SLIT1: variants seen among roughly 807,000 people sequenced by gnomAD.
SLIT1 encodes the protein slit homolog 1 protein.
Under a neutral mutation model 186.1 loss-of-function variants are expected in SLIT1, and 66 were observed. The ratio of observed to expected loss-of-function variants is 0.35; its 90% CI spans 0.29 to 0.44. SLIT1 has a LOEUF of 0.44. Among genes scored for constraint, SLIT1 ranks in the 20% least tolerant of loss-of-function variants. The pLI is 1.00. For synonymous variants in SLIT1, 761 were observed against 833.8 expected (o/e 0.91, Z 1.50); for missense variants, 1,638 against 2,037.4 (o/e 0.80, Z 3.77).
Position 97,013,847 on chromosome 10 carries a change from C to A in SLIT1, c.3110-13G>T, listed in dbSNP as rs367664749. On this transcript the variant is annotated splice_polypyrimidine_tract_variant and intron_variant, in intron 29 of 36. Transcript: ENST00000266058. Reference sequence around the variant, plus strand: ...TCACAGGCCTTTCCTGGGGAAAGAACGAGCAAGGGGCAGGAGAGAAGCTGC... The same window carrying A: ...TCACAGGCCTTTCCTGGGGAAAGAAAGAGCAAGGGGCAGGAGAGAAGCTGC... 3.2e-6 allele frequency: 5 copies of A among 1,550,470 alleles called. No homozygotes were observed. The African/African-American group carries it at 5.5e-5, about 17-fold the overall frequency.
chr10:97,094,283 C>T (rs1564673963), intron 4 of SLIT1, among the ~76,000 whole-genome samples: 1 of 152,224 alleles, frequency 6.6e-6, no homozygotes, highest in African/African-American at 2.4e-5. Flanking sequence ...AAAAGGCATC[C>T]CTTCTTCAAG....
intron 22 of SLIT1, among the ~76,000 whole-genome samples, chr10:97,036,898 C>A (rs965739519): frequency 3.9e-5 from 6 of 152,156 alleles, no homozygotes; most frequent in Non-Finnish European, 8.8e-5. Context: ...AAAGCAGAGG[C>A]GTAGCCTGAA....
chr10:97,048,401 A>C (rs543754370), intron 14 of SLIT1, among the ~76,000 whole-genome samples: 1 of 152,196 alleles, frequency 6.6e-6, no homozygotes, highest in Non-Finnish European at 1.5e-5. Context: ...CTGCATCCCA[A>C]AGCCTGGAGG....
chr10:97,156,949 C>T (rs1200239366), intron 4 of SLIT1, among the ~76,000 whole-genome samples: 2 of 152,228 alleles, frequency 1.3e-5, no homozygotes, highest in Non-Finnish European at 2.9e-5. Flanking sequence ...AACTAAAAAA[C>T]ATCCCAACTC....
intron 4 of SLIT1, among the ~76,000 whole-genome samples, chr10:97,076,981 C>G (rs534077113): frequency 3.3e-5 from 5 of 152,110 alleles, no homozygotes; most frequent in Non-Finnish European, 7.4e-5. Flanking sequence ...AAATACAGGA[C>G]GGAACCGGGG....
At chr10:97,024,610 T>C (rs540628392) in intron 25 of SLIT1, among the ~76,000 whole-genome samples, 1 of 152,342 alleles carries the variant, frequency 6.6e-6, no homozygotes, top group South Asian at 2.1e-4. Flanking sequence ...CTTTTTAAGA[T>C]AACAGGAATT....
At chr10:97,052,864 C>T (rs1388833704) in intron 13 of SLIT1, among the ~76,000 whole-genome samples, 2 of 152,124 alleles carry the variant, frequency 1.3e-5, no homozygotes, top group Non-Finnish European at 2.9e-5. Context: ...ATTTCTATTT[C>T]TTTTATTCTT....
intron 4 of SLIT1, among the ~76,000 whole-genome samples, chr10:97,083,263 T>C (rs1425335713): frequency 6.6e-6 from 1 of 152,202 alleles, no homozygotes; most frequent in Non-Finnish European, 1.5e-5. Context: ...AGTACTCTGA[T>C]CATGCCTATT....
chr10:97,137,969 A>C (rs1156803731), intron 4 of SLIT1, among the ~76,000 whole-genome samples: 1 of 152,248 alleles, frequency 6.6e-6, no homozygotes, highest in Non-Finnish European at 1.5e-5. Context: ...CGAGCCGGTG[A>C]GTAGCAGAGC....
chr10:97,063,949 T>C (rs964673224), intron 7 of SLIT1, among the ~76,000 whole-genome samples: 2 of 151,980 alleles, frequency 1.3e-5, no homozygotes, highest in African/African-American at 4.8e-5. Context: ...TCATTTGTTT[T>C]CCAAGGAAAA....
At chr10:97,107,870 TC>T (rs1488746069) in intron 4 of SLIT1, among the ~76,000 whole-genome samples, 1 of 151,802 alleles carries the variant, frequency 6.6e-6, no homozygotes, top group Non-Finnish European at 1.5e-5. Flanking sequence ...CCAACCACAC[TC>T]GAGGCCCATG....
chr10:97,073,029 A>C (rs1705807444), intron 4 of SLIT1, among the ~76,000 whole-genome samples: 1 of 152,198 alleles, frequency 6.6e-6, no homozygotes, highest in African/African-American at 2.4e-5. Context: ...AAGCTTTCCC[A>C]CGAGGGGGCG....
chr10:97,092,778 T>G (rs896536106), intron 4 of SLIT1, among the ~76,000 whole-genome samples: 1 of 152,212 alleles, frequency 6.6e-6, no homozygotes, highest in Non-Finnish European at 1.5e-5. Context: ...ATAAAATCCA[T>G]GCCAAGGGCA....
In SLIT1 at chr10:97,014,030, A is replaced by G. The variant is rs1432945151; in HGVS notation, c.3098T>C (p.Leu1033Pro). The G allele has an allele frequency of 6.2e-7, 1 of 1,613,592 alleles. No homozygotes were observed. The highest frequency in any genetic ancestry group is 1.3e-5 in the African/African-American group (1 of 74,914). The change falls in exon 29 of 37, where the codon CTG becomes CCG. Residue 1033 changes from leucine to proline, a missense_variant. Leu to Pro is a moderately conservative substitution (Grantham distance 98). Transcript: ENST00000266058. ...GVGNYTCQCP[L>P]QYEGKACEQL... is the part of the protein sequence containing the mutation. The stretch of plus-strand genomic sequence containing the variant: ...CCTGACGCACTTACCCTCATACTGC[A>G]GGGGGCACTGGCAGGTGTAGTTGCC...
intron 4 of SLIT1, among the ~76,000 whole-genome samples, chr10:97,121,922 A>T (rs945833136): frequency 6.6e-6 from 1 of 152,228 alleles, no homozygotes; most frequent in African/African-American, 2.4e-5. Flanking sequence ...ATATTCCTGG[A>T]TTATCTCATT....
chr10:97,125,840 A>C (rs916419640), intron 4 of SLIT1, among the ~76,000 whole-genome samples: 1 of 151,374 alleles, frequency 6.6e-6, no homozygotes, highest in Non-Finnish European at 1.5e-5. Context: ...CTGTCTCAAA[A>C]CAAAAACAAA....
chr10:97,157,263 C>T (rs1242646422), intron 4 of SLIT1: 1 of 152,258 alleles, frequency 6.6e-6, no homozygotes, highest in African/African-American at 2.4e-5. Context: ...AAATTACAGA[C>T]ACATGTGGCA....
At chr10:97,126,647 T>A (rs531034129) in intron 4 of SLIT1, among the ~76,000 whole-genome samples, 1 of 152,288 alleles carries the variant, frequency 6.6e-6, no homozygotes, top group South Asian at 2.1e-4. Flanking sequence ...AAGCTCCACC[T>A]TACAGCTGGG....
intron 31 of SLIT1, among the ~76,000 whole-genome samples, chr10:97,007,918 A>G (rs2134589401): frequency 7.0e-6 from 1 of 143,348 alleles, no homozygotes; most frequent in African/African-American, 2.5e-5. Flanking sequence ...TCTATTCAAT[A>G]TTTTACTGGA....
Sources: gnomAD v4.1 joint callset for allele counts (sites outside exome capture counted in the v4.1 genomes callset) on GRCh38, gnomAD v4.1.1 for gene constraint, MANE v1.5 for transcripts, NCBI Gene and HGNC (gene_info 2026-07-23, HGNC 2026-07-21) for gene names.